The following AGAP1 variants were observed in gnomAD, a reference collection of about 807,000 sequenced individuals.
AGAP1 encodes arf-GAP with GTPase, ANK repeat and PH domain-containing protein 1.
Under a neutral mutation model 105.3 loss-of-function variants are expected in AGAP1, and 29 were observed. That is an observed-to-expected ratio of 0.28 (90% CI 0.21 to 0.38). AGAP1 has a LOEUF of 0.38. Ranked by LOEUF, AGAP1 falls within the 10% of genes least tolerant of loss-of-function variation. The probability of loss-of-function intolerance (pLI) is 1.00; values close to 1 mark genes in which losing one functional copy is unlikely to be tolerated. For missense variants in AGAP1, 998 were observed against 1,165.1 expected (o/e 0.86, Z 2.09); for synonymous variants, 509 against 485.9 (o/e 1.05, Z -0.63).
chr2:235,930,662 T>TCGCCGG lies in AGAP1; in HGVS notation c.1325-103_1325-102insCGCCGG. 1.7e-6 allele frequency: 2 copies of TCGCCGG among 1,208,986 alleles called. No individual in the cohort carries two copies. Among genetic ancestry groups the TCGCCGG allele is most frequent in the Non-Finnish European group, 1.1e-6 (1 of 872,132 alleles). The allele number at this position is 1,208,986 out of a possible 1,614,324, so 74.9% of individuals were successfully genotyped here. A position where few individuals can be genotyped will look rare whatever the true frequency, so the allele number is the denominator to read the frequency against. ...GCAGGACAGGGGCTGCTCTCGGTGG[T>TCGCCGG]AAGGTGCACTATGTGCCAGCGTGTG... On this transcript the variant is annotated intron_variant, in intron 11 of 17. Coordinates refer to ENST00000304032, the MANE Select transcript of AGAP1 (RefSeq NM_001037131.3). This position sits in a 1 kb window ranked among gnomAD's most constrained non-coding sequence, Gnocchi z 7.9.
rs2054188589 is a variant in AGAP1 at position 235,961,617 on chromosome 2, T to G, written c.1484-6845T>G. ...CCAAGGGAGAGTTGTGTTAAAAATGTGAGATGACAGGGCCGGGCGTGGTGG... is the reference window on the plus strand; with the variant it reads ...CCAAGGGAGAGTTGTGTTAAAAATGGGAGATGACAGGGCCGGGCGTGGTGG... On this transcript the variant is annotated intron_variant, in intron 12 of 17. Coordinates refer to ENST00000304032, the MANE Select transcript of AGAP1 (RefSeq NM_001037131.3). The surrounding 1 kb of genome is among the most constrained non-coding windows in gnomAD (Gnocchi z 5.9). 6.6e-6 allele frequency among the ~76,000 whole-genome samples: 1 copy of G among 152,018 alleles called. No individual in the cohort carries two copies. The highest frequency in any genetic ancestry group is 6.6e-5 in the Admixed American group (1 of 15,260).
intron 8 of AGAP1, among the ~76,000 whole-genome samples, chr2:235,805,906 A>G (rs1049729647): frequency 2.0e-5 from 3 of 152,238 alleles, no homozygotes; most frequent in Non-Finnish European, 4.4e-5. Context: ...TTCAATAAGC[A>G]TCAGCTCTTA....
intron 1 of AGAP1, among the ~76,000 whole-genome samples, chr2:235,511,210 G>A (rs921280744): frequency 1.3e-5 from 2 of 151,694 alleles, no homozygotes; most frequent in African/African-American, 4.9e-5. Context: ...CAGGTCAGAT[G>A]AGCTCTGTGA....
chr2:235,929,980 T>C (rs1219066472), intron 11 of AGAP1, among the ~76,000 whole-genome samples: 5 of 152,172 alleles, frequency 3.3e-5, no homozygotes, highest in Non-Finnish European at 4.4e-5. Flanking sequence ...GATCTGCAAA[T>C]AGACCTAACA....
intron 13 of AGAP1, among the ~76,000 whole-genome samples, chr2:235,997,112 G>A (rs528158604): frequency 1.3e-5 from 2 of 152,172 alleles, no homozygotes; most frequent in Admixed American, 6.5e-5. Flanking sequence ...TTGTTGTTAC[G>A]GAGTTTCACT....
At chr2:236,069,750 T>G (rs2058449317) in intron 16 of AGAP1, among the ~76,000 whole-genome samples, 1 of 152,196 alleles carries the variant, frequency 6.6e-6, no homozygotes, top group African/African-American at 2.4e-5. Context: ...GAAAATGTGA[T>G]TACATGGGGA....
rs954652041 is a variant in AGAP1 at position 236,128,580 on chromosome 2, C to T, written c.*4458C>T. The T allele has an allele frequency of 3.9e-5, 6 of 152,280 alleles. No individual in the cohort carries two copies. The highest frequency in any genetic ancestry group is 1.2e-4 in the African/African-American group (5 of 41,438). 9.4% of individuals were successfully genotyped at this position (152,280 alleles called of 1,614,324 possible). ...TTGAACTTGGTGGACTCATCTTACC[C>T]CACAAGAGTGGCCTGCTCAACCTGC... On this transcript the variant is annotated 3_prime_UTR_variant, in exon 18 of 18. Coordinates refer to ENST00000304032, the MANE Select transcript of AGAP1 (RefSeq NM_001037131.3). The surrounding 1 kb of genome is among the most constrained non-coding windows in gnomAD (Gnocchi z 5.9).
At position 235,968,869 on chromosome 2, in the gene AGAP1, G is replaced by A. The variant is rs2054522036; in HGVS notation, c.1645+246G>A. Among the ~76,000 whole-genome samples, 3 of 152,262 alleles carry A rather than the reference G, an allele frequency of 2.0e-5. No homozygotes were observed. In the Middle Eastern group the frequency reaches 0.01, roughly 518 times the overall value. Reference sequence around the variant, plus strand: ...TGGCCGCCGTCGCTGGTAGCGGGTAGGAGTGCTGGTCTCCCAGCCACCAGC... The same window carrying A: ...TGGCCGCCGTCGCTGGTAGCGGGTAAGAGTGCTGGTCTCCCAGCCACCAGC... On this transcript the variant is annotated intron_variant, in intron 13 of 17. Coordinates refer to ENST00000304032, the MANE Select transcript of AGAP1 (RefSeq NM_001037131.3).
At chr2:235,676,745 T>A (rs1482163172) in intron 1 of AGAP1, among the ~76,000 whole-genome samples, 1 of 152,236 alleles carries the variant, frequency 6.6e-6, no homozygotes, top group African/African-American at 2.4e-5. Context: ...TAGGCTATTG[T>A]CAATTTGTTT....
rs1020906477 is a variant in AGAP1, at chr2:235,752,268, C to T, written c.673+1780C>T. ...TGGCAGCTCACTGCAACCTCTGCCT[C>T]CCAGGTTCAGGCAAATCTTGTGCCT... is the stretch of plus-strand genomic sequence containing the variant. On this transcript the variant is annotated intron_variant, in intron 6 of 17. Coordinates refer to ENST00000304032, the MANE Select transcript of AGAP1 (RefSeq NM_001037131.3). This position sits in a 1 kb window ranked among gnomAD's most constrained non-coding sequence, Gnocchi z 4.3. 6.6e-6 allele frequency among the ~76,000 whole-genome samples: 1 copy of T among 152,194 alleles called. No homozygotes were observed. The highest frequency in any genetic ancestry group is 2.4e-5 in the African/African-American group (1 of 41,460).
rs932155469 is a variant in AGAP1, at chr2:235,962,800, A to G, written c.1484-5662A>G. Among the ~76,000 whole-genome samples the G allele has an allele frequency of 5.3e-5, 8 of 152,248 alleles. No individual in the cohort carries two copies. Among genetic ancestry groups the G allele is most frequent in the African/African-American group, 1.9e-4 (8 of 41,540 alleles). ...TCGCTATTGATATTTTAGGTATTTG[A>G]GACTGTTCTTTGTGGCAGGGGCTGT... On this transcript the variant is annotated intron_variant, in intron 12 of 17. Transcript: ENST00000304032. This position sits in a 1 kb window ranked among gnomAD's most constrained non-coding sequence, Gnocchi z 5.3.
Position 236,036,738 on chromosome 2 carries a change from A to T in AGAP1, c.1800+23A>T. On this transcript the variant is annotated intron_variant, in intron 14 of 17. Coordinates refer to ENST00000304032, the MANE Select transcript of AGAP1 (RefSeq NM_001037131.3). The surrounding 1 kb of genome is among the most constrained non-coding windows in gnomAD (Gnocchi z 5.7). ...AAGGTGAGGCCCCTGGCTGCCCAAA[A>T]CCAAGGCTGGGGCTGCTCAGGGGGA... 1 of 1,613,756 alleles carries T rather than the reference A, an allele frequency of 6.2e-7. No individual in the cohort carries two copies.
In AGAP1 at chr2:235,852,201, C is replaced by T. The variant is rs541287890; in HGVS notation, c.1051-31144C>T. On this transcript the variant is annotated intron_variant, in intron 9 of 17. Transcript: ENST00000304032. ...AAGATTTACTCGGGAAGAGGAAAAA[C>T]GGTTCTGTAGCCGATTACCCAATTT... 1.5e-3 allele frequency among the ~76,000 whole-genome samples: 226 copies of T among 152,340 alleles called. 1 individual carries two copies. Among genetic ancestry groups the T allele is most frequent in the Middle Eastern group, 0.014 (4 of 294 alleles).
chr2:235,607,869 T>A (rs183890932), intron 1 of AGAP1, among the ~76,000 whole-genome samples: 262 of 152,326 alleles, frequency 1.7e-3, no homozygotes, highest in Non-Finnish European at 2.7e-3. Flanking sequence ...TTAGGATTTT[T>A]TAAAGGATAG....
chr2:235,938,368 C>T (rs935000434), intron 12 of AGAP1, among the ~76,000 whole-genome samples: 10 of 152,196 alleles, frequency 6.6e-5, no homozygotes, highest in African/African-American at 1.9e-4. Context: ...CCTGCCCACC[C>T]GACCGCCTCC....
intron 12 of AGAP1, among the ~76,000 whole-genome samples, chr2:235,940,674 C>T (rs943069419): frequency 6.6e-6 from 1 of 152,320 alleles, no homozygotes; most frequent in Admixed American, 6.5e-5. Context: ...CATTCTTGTT[C>T]GACTCCTACC....
intron 6 of AGAP1, among the ~76,000 whole-genome samples, chr2:235,755,542 G>C (rs1030122260): frequency 6.6e-6 from 1 of 152,186 alleles, no homozygotes; most frequent in African/African-American, 2.4e-5. Flanking sequence ...CCGGGTTCAA[G>C]CAGTTCTCCT....
rs1575751380 is a variant in AGAP1, at chr2:235,908,116, G to A, written c.1156-622G>A. ...TCCAGGTAGTGTTTGACTCCACAGT[G>A]AGTTAAGTGAGCTGCCAGAGAGCAG... On this transcript the variant is annotated intron_variant, in intron 10 of 17. Coordinates refer to ENST00000304032, the MANE Select transcript of AGAP1 (RefSeq NM_001037131.3). The surrounding 1 kb of genome is among the most constrained non-coding windows in gnomAD (Gnocchi z 4.4). Among the ~76,000 whole-genome samples the A allele has an allele frequency of 1.3e-5, 2 of 152,280 alleles. No homozygotes were observed.
intron 13 of AGAP1, among the ~76,000 whole-genome samples, chr2:236,008,113 G>A (rs1481801957): frequency 6.6e-6 from 1 of 152,246 alleles, no homozygotes; most frequent in African/African-American, 2.4e-5. Flanking sequence ...TGGTTGGAGT[G>A]CATATAACAC....
Sources: allele counts gnomAD v4.1 joint callset (sites outside exome capture counted in the v4.1 genomes callset), GRCh38; gene constraint gnomAD v4.1.1; non-coding constraint Gnocchi (gnomAD v3.1); transcripts MANE v1.5; gene names NCBI Gene and HGNC (gene_info 2026-07-23, HGNC 2026-07-21).